SNTG1: variants seen among roughly 807,000 people sequenced by gnomAD.
SNTG1 encodes syntrophin gamma 1.
SNTG1 carries 39 observed loss-of-function variants against 74.7 expected under a neutral mutation model. The ratio of observed to expected loss-of-function variants is 0.52; its 90% confidence interval spans 0.40 to 0.68. The LOEUF (loss-of-function observed/expected upper bound fraction) is 0.68, where lower values mean the gene tolerates loss of function less well. SNTG1 is among the 30% of genes least tolerant of loss of function. The pLI, the probability that SNTG1 is intolerant of heterozygous loss-of-function variation, is 0.00. For synonymous variants in SNTG1, 254 were observed against 217.1 expected, an observed-to-expected ratio of 1.17 and a Z score of -1.49; for missense variants, 685 against 609.5, an observed-to-expected ratio of 1.12 and a Z score of -1.30.
At chr8:50,456,354 A>T (rs1260403470) in intron 8 of SNTG1, among the ~76,000 whole-genome samples, 1 of 152,212 alleles carries the variant, frequency 6.6e-6, no homozygotes, top group East Asian at 1.9e-4. Flanking sequence ...GTAACAAAAT[A>T]CTTGTAACTG....
intron 12 of SNTG1, among the ~76,000 whole-genome samples, chr8:50,586,412 C>T (rs1457479066): frequency 6.6e-6 from 1 of 152,132 alleles, no homozygotes; most frequent in East Asian, 1.9e-4. Context: ...GACTGCACAG[C>T]CTGACAAAGT....
intron 2 of SNTG1, among the ~76,000 whole-genome samples, chr8:50,345,701 A>G (rs2091452156): frequency 6.6e-6 from 1 of 152,214 alleles, no homozygotes; most frequent in South Asian, 2.1e-4. Context: ...GACGTTTATC[A>G]ATTTTTCAGT....
At chr8:50,436,348 C>A (rs1361857783) in intron 4 of SNTG1, among the ~76,000 whole-genome samples, 1 of 152,048 alleles carries the variant, frequency 6.6e-6, no homozygotes, top group Non-Finnish European at 1.5e-5. Flanking sequence ...TTTAATTCAC[C>A]TATTCCTGAA....
intron 15 of SNTG1, among the ~76,000 whole-genome samples, chr8:50,666,178 G>A (rs1334033793): frequency 6.6e-6 from 1 of 152,056 alleles, no homozygotes; most frequent in African/African-American, 2.4e-5. Context: ...ACCTATTCTA[G>A]TCCTGAGAAA....
chr8:50,563,429 A>G (rs2094499097), intron 12 of SNTG1, among the ~76,000 whole-genome samples: 1 of 152,156 alleles, frequency 6.6e-6, no homozygotes, highest in African/African-American at 2.4e-5. Flanking sequence ...CCGTGGGGCC[A>G]CTGTGCTTTA....
chr8:50,284,318 T>C (rs573935884), intron 2 of SNTG1, among the ~76,000 whole-genome samples: 137 of 151,862 alleles, frequency 9.0e-4, no homozygotes, highest in Admixed American at 9.8e-4. Context: ...TAGATTGAGA[T>C]TATAAATTTC....
chr8:50,730,118 G>A (rs1323811778), intron 17 of SNTG1, among the ~76,000 whole-genome samples: 1 of 152,120 alleles, frequency 6.6e-6, no homozygotes, highest in Non-Finnish European at 1.5e-5. Context: ...CCAGAATATT[G>A]TACAAATATA....
intron 2 of SNTG1, among the ~76,000 whole-genome samples, chr8:50,348,030 C>A (rs1451919936): frequency 6.6e-6 from 1 of 152,132 alleles, no homozygotes; most frequent in African/African-American, 2.4e-5. Context: ...GCCAATGTTT[C>A]TTTAATGATG....
At chr8:50,283,834 T>C (rs756990748) in intron 2 of SNTG1, among the ~76,000 whole-genome samples, 2 of 152,188 alleles carry the variant, frequency 1.3e-5, no homozygotes, top group Non-Finnish European at 2.9e-5. Flanking sequence ...CTTTATATTT[T>C]ATAAGATTTT....
At chr8:50,511,274 T>A (rs1213418991) in intron 9 of SNTG1, among the ~76,000 whole-genome samples, 1 of 152,236 alleles carries the variant, frequency 6.6e-6, no homozygotes, top group East Asian at 1.9e-4. Context: ...CACTGTGGTC[T>A]GAGAGAGAGT....
intron 5 of SNTG1, among the ~76,000 whole-genome samples, chr8:50,439,716 C>CTTTT (rs60899125): frequency 2.9e-5 from 3 of 102,102 alleles, no homozygotes; most frequent in Non-Finnish European, 4.2e-5. Context: ...TTTTGTTTTG[C>CTTTT]TTTTTTTTTT....
chr8:50,416,240 G>A (rs1045931692), intron 4 of SNTG1, among the ~76,000 whole-genome samples: 11 of 152,026 alleles, frequency 7.2e-5, no homozygotes, highest in Non-Finnish European at 1.0e-4. Flanking sequence ...TCATTTGCTC[G>A]CACACTAAAT....
intron 2 of SNTG1, among the ~76,000 whole-genome samples, chr8:50,362,777 GT>G (rs1222457889): frequency 6.6e-6 from 1 of 152,092 alleles, no homozygotes; most frequent in Non-Finnish European, 1.5e-5. Flanking sequence ...TATATGGTGA[GT>G]TTTATGGGAA....
intron 18 of SNTG1, among the ~76,000 whole-genome samples, chr8:50,760,926 C>T (rs1276267558): frequency 6.6e-6 from 1 of 151,922 alleles, no homozygotes; most frequent in African/African-American, 2.4e-5. Flanking sequence ...GGATTCACAG[C>T]CGAATGCTAC....
At chr8:50,320,624 T>C (rs908099473) in intron 2 of SNTG1, among the ~76,000 whole-genome samples, 4 of 152,070 alleles carry the variant, frequency 2.6e-5, no homozygotes, top group African/African-American at 9.7e-5. Context: ...TTAAAGCTCT[T>C]CTTCTTTTTT....
intron 2 of SNTG1, among the ~76,000 whole-genome samples, chr8:50,230,675 GT>G (rs1399795997): frequency 6.6e-6 from 1 of 151,172 alleles, no homozygotes. Context: ...AATAAACGTT[GT>G]AGAGAAAACA....
At chr8:50,052,606 C>T (rs1204798316) in intron 1 of SNTG1, among the ~76,000 whole-genome samples, 3 of 152,144 alleles carry the variant, frequency 2.0e-5, no homozygotes, top group South Asian at 2.1e-4. Flanking sequence ...AGAGTTTTTA[C>T]CCCAGTGGAC....
intron 1 of SNTG1, among the ~76,000 whole-genome samples, chr8:50,133,133 G>C (rs1387786196): frequency 6.6e-6 from 1 of 152,076 alleles, no homozygotes; most frequent in Non-Finnish European, 1.5e-5. Flanking sequence ...GCTTTGCTTG[G>C]AAATAACCTC....
At chr8:49,931,837 A>C (rs1366391649) in intron 1 of SNTG1, among the ~76,000 whole-genome samples, 2 of 152,182 alleles carry the variant, frequency 1.3e-5, no homozygotes, top group Non-Finnish European at 2.9e-5. Flanking sequence ...CAAAACTGGC[A>C]AGAAATATTG....
Sources: gnomAD v4.1 joint callset for allele counts (sites outside exome capture counted in the v4.1 genomes callset) on GRCh38, gnomAD v4.1.1 for gene constraint, MANE v1.5 for transcripts, NCBI Gene and HGNC (gene_info 2026-07-23, HGNC 2026-07-21) for gene names.